IKBIP: variants seen among roughly 807,000 people sequenced by gnomAD.
IKBIP encodes inhibitor of nuclear factor kappa-B kinase-interacting protein.
Under a neutral mutation model 31.0 loss-of-function variants are expected in IKBIP, and 28 were observed. That is an observed-to-expected ratio of 0.90 (90% confidence interval 0.67 to 1.24). The LOEUF (loss-of-function observed/expected upper bound fraction) is 1.24. Among genes scored for constraint, IKBIP ranks in the 50% most tolerant of loss-of-function variants. The pLI, the probability that IKBIP is intolerant of heterozygous loss-of-function variation, is 0.00. For missense variants in IKBIP, 453 were observed against 441.9 expected (o/e 1.03, Z -0.23); for synonymous variants, 164 against 160.3 (o/e 1.02, Z -0.17).
In IKBIP at chr12:98,626,516, T is replaced by C; in HGVS notation, c.548A>G (p.Gln183Arg). 1 of 1,612,986 alleles carries C rather than the reference T, an allele frequency of 6.2e-7. No individual in the cohort carries two copies. Among genetic ancestry groups the C allele is most frequent in the African/African-American group, 1.3e-5 (1 of 75,044 alleles). Residue 183 changes from glutamine (Q) to arginine (R), a missense_variant, in exon 3 of 3, where the codon CAA becomes CGA. Coordinates refer to ENST00000299157, the MANE Select transcript of IKBIP (RefSeq NM_153687.4). ...FKSEAKHIHS[Q>R]VTVQINSAEQ... ...AGCTGAGTTAATTTGGACAGTTACT[T>C]GAGAATGTATATGTTTTGCTTCTGA...
chr12:98,644,496 G>C (rs1299418775), intron 1 of IKBIP, 27 bp downstream of exon 1: 12 of 1,554,004 alleles, frequency 7.7e-6, no homozygotes, highest in Non-Finnish European at 1.0e-5. Flanking sequence ...ACAGGAGGCC[G>C]GCCCAGGCAG....
chr12:98,638,575 A>G (rs984397602), intron 1 of IKBIP, among the ~76,000 whole-genome samples: 1 of 149,386 alleles, frequency 6.7e-6, no homozygotes, highest in African/African-American at 2.5e-5. Context: ...GCACCCAGCC[A>G]ATACTTCATA....
Position 98,640,049 on chromosome 12 carries a change from G to T in IKBIP, c.179+4474C>A, listed in dbSNP as rs138170772. On this transcript the variant is annotated intron_variant, in intron 1 of 2. Coordinates refer to ENST00000299157, the MANE Select transcript of IKBIP (RefSeq NM_153687.4). ...ATGATTTATAGAGAAAATTATATTG[G>T]ATAATTAAAACAAAAACCAGAGTTA... Among the ~76,000 whole-genome samples, 4 of 152,270 alleles carry T rather than the reference G, an allele frequency of 2.6e-5. No homozygotes were observed. In the East Asian group the frequency reaches 7.7e-4, roughly 29 times the overall value.
At chr12:98,621,832 C>CT (rs2097610382), downstream of IKBIP, among the ~76,000 whole-genome samples, 1 of 152,120 alleles carries the variant, frequency 6.6e-6, no homozygotes, top group African/African-American at 2.4e-5. Flanking sequence ...AATCCCAGCA[C>CT]TTTGGGAGGC....
chr12:98,633,670 C>T (rs1159517545), intron 2 of IKBIP, among the ~76,000 whole-genome samples: 1 of 151,718 alleles, frequency 6.6e-6, no homozygotes, highest in Non-Finnish European at 1.5e-5. Context: ...GCGTGTGCAC[C>T]ACGCCCAGCT....
At chr12:98,632,524 T>TATATAC (rs2097621715) in intron 2 of IKBIP, among the ~76,000 whole-genome samples, 1 of 63,436 alleles carries the variant, frequency 1.6e-5, no homozygotes, top group Non-Finnish European at 3.0e-5. Flanking sequence ...TATATATATA[T>TATATAC]ATATATATAT....
At position 98,634,265 on chromosome 12, in the gene IKBIP, A is replaced by G. The variant is rs1405793973; in HGVS notation, c.297+31T>C. 3 of 1,080,708 alleles carry G rather than the reference A, an allele frequency of 2.8e-6. No individual in the cohort carries two copies. In the African/African-American group the frequency reaches 4.7e-5, roughly 17 times the overall value. The allele number at this position is 1,080,708 out of a possible 1,614,324, so 66.9% of individuals were successfully genotyped here. A position where few individuals can be genotyped will look rare whatever the true frequency, so the allele number is the denominator to read the frequency against. ...TGATAGTGGGGTAGTAAAATGGGAA[A>G]ACCGTCCCAGATAAGCCAATTAATG... is the stretch of plus-strand genomic sequence containing the variant. On this transcript the variant is annotated intron_variant, in intron 2 of 2. Coordinates refer to ENST00000299157, the MANE Select transcript of IKBIP (RefSeq NM_153687.4).
rs765754736 is a variant in IKBIP at position 98,626,597 on chromosome 12, G to A, written c.467C>T (p.Thr156Met). Reference protein sequence around the residue: ...QSLNEKFQNITDFWKRSLEEM... With the variant: ...QSLNEKFQNIMDFWKRSLEEM... Reference sequence around the variant, plus strand: ...TTCTAGGCTTCTCTTCCAGAAATCCGTAATATTCTGAAATTTCTCATTAAG... The same window carrying A: ...TTCTAGGCTTCTCTTCCAGAAATCCATAATATTCTGAAATTTCTCATTAAG... Residue 156 changes from threonine (T) to methionine (M), a missense_variant, in exon 3 of 3, where the codon ACG (threonine) becomes ATG (methionine). Thr to Met is a moderately conservative substitution (Grantham distance 81). Transcript: ENST00000299157. The A allele has an allele frequency of 5.6e-6, 9 of 1,613,394 alleles. No individual in the cohort carries two copies. The highest frequency in any genetic ancestry group is 1.1e-5 in the South Asian group (1 of 91,052).
In IKBIP at chr12:98,624,740, T is replaced by A; in HGVS notation, c.*1190A>T. On this transcript the variant is annotated 3_prime_UTR_variant, in exon 3 of 3. Coordinates refer to ENST00000299157, the MANE Select transcript of IKBIP (RefSeq NM_153687.4). ...GACGTATTTTTAACTATCATAGTTA[T>A]TATCATAATTAATTATCAGAGTTAT... The A allele has an allele frequency of 1.1e-6, 1 of 889,942 alleles. No homozygotes were observed. Among genetic ancestry groups the A allele is most frequent in the Non-Finnish European group, 1.3e-6 (1 of 743,034 alleles). 55.1% of individuals were successfully genotyped at this position (889,942 alleles called of 1,614,324 possible).
At chr12:98,620,719 A>G (rs1162309485), downstream of IKBIP, among the ~76,000 whole-genome samples, 2 of 152,140 alleles carry the variant, frequency 1.3e-5, no homozygotes, top group African/African-American at 4.8e-5. Flanking sequence ...TGTATAATTT[A>G]AAACCATTTA....
At chr12:98,631,051 G>A (rs2097619711) in intron 2 of IKBIP, among the ~76,000 whole-genome samples, 1 of 151,396 alleles carries the variant, frequency 6.6e-6, no homozygotes, top group Non-Finnish European at 1.5e-5. Context: ...TCCTACCTCA[G>A]CCTCCCGAGT....
chr12:98,633,847 A>G (rs2097623377), intron 2 of IKBIP, among the ~76,000 whole-genome samples: 1 of 152,152 alleles, frequency 6.6e-6, no homozygotes, highest in Non-Finnish European at 1.5e-5. Context: ...GCATGTACAT[A>G]TATCCTTAAA....
chr12:98,643,258 A>C (rs959333820), intron 1 of IKBIP, among the ~76,000 whole-genome samples: 1 of 152,204 alleles, frequency 6.6e-6, no homozygotes, highest in African/African-American at 2.4e-5. Flanking sequence ...GCCGTAACAA[A>C]TCTTTTAACT....
At chr12:98,634,065 T>C (rs546988902) in intron 2 of IKBIP, among the ~76,000 whole-genome samples, 6 of 152,284 alleles carry the variant, frequency 3.9e-5, no homozygotes, top group Non-Finnish European at 8.8e-5. Flanking sequence ...TATGAACAAA[T>C]TGGTCTTTTT....
Position 98,625,323 on chromosome 12 carries a change from T to A in IKBIP, c.*607A>T. The A allele has an allele frequency of 1.0e-6, 1 of 980,522 alleles. No homozygotes were observed. Among genetic ancestry groups the A allele is most frequent in the East Asian group, 1.1e-4 (1 of 8,800 alleles). The allele number at this position is 980,522 out of a possible 1,614,324, so 60.7% of individuals were successfully genotyped here. On this transcript the variant is annotated 3_prime_UTR_variant, in exon 3 of 3. Transcript: ENST00000299157. ...ACAAAAACTAAAATGTTTCCCAGGC[T>A]TTAGAGTTTTCAGAAAGTGCATATT...
chr12:98,642,339 A>G (rs2097631234), intron 1 of IKBIP, among the ~76,000 whole-genome samples: 1 of 151,876 alleles, frequency 6.6e-6, no homozygotes, highest in Admixed American at 6.6e-5. Context: ...TGGTAGAGAT[A>G]GGGTTTCACC....
intron 2 of IKBIP, among the ~76,000 whole-genome samples, chr12:98,632,847 G>A (rs78254048): frequency 0.073 from 11,097 of 151,644 alleles, 561 homozygotes; most frequent in East Asian, 0.21. Context: ...ATCTGGTCTC[G>A]AACTCCTGAC....
intron 2 of IKBIP, among the ~76,000 whole-genome samples, chr12:98,614,942 T>A (rs773279284): frequency 2.0e-5 from 3 of 152,312 alleles, no homozygotes; most frequent in Middle Eastern, 3.4e-3. Context: ...TAAAATGAGC[T>A]ACATGAGACA....
chr12:98,617,058 T>C (rs1040346279), intron 2 of IKBIP, among the ~76,000 whole-genome samples: 1 of 152,244 alleles, frequency 6.6e-6, no homozygotes, highest in Non-Finnish European at 1.5e-5. Flanking sequence ...CTGTAACTTT[T>C]ATGAACAGTT....
Sources: allele counts gnomAD v4.1 joint callset (sites outside exome capture counted in the v4.1 genomes callset), GRCh38; gene constraint gnomAD v4.1.1; transcripts MANE v1.5; gene names NCBI Gene and HGNC (gene_info 2026-07-23, HGNC 2026-07-21).